BFSP1: variants seen among roughly 807,000 people sequenced by gnomAD.
The protein encoded by BFSP1 is filensin.
In BFSP1, 38 loss-of-function variants were observed where a neutral mutation model predicts 43.9. The observed-to-expected ratio is 0.87, with a 90% confidence interval of 0.67 to 1.14. The LOEUF (loss-of-function observed/expected upper bound fraction) is 1.14. BFSP1 is among the 50% of genes most tolerant of loss of function. The probability of loss-of-function intolerance (pLI) is 0.00; values close to 1 mark genes in which losing one functional copy is unlikely to be tolerated. For synonymous variants in BFSP1, 352 were observed against 354.8 expected (o/e 0.99, Z 0.09); for missense variants, 850 against 875.1 (o/e 0.97, Z 0.36).
intron 1 of BFSP1, among the ~76,000 whole-genome samples, chr20:17,550,654 G>A (rs1234045746): frequency 6.6e-6 from 1 of 152,026 alleles, no homozygotes; most frequent in Non-Finnish European, 1.5e-5. Flanking sequence ...TGTATTTTTA[G>A]TAGAGATGGG....
At chr20:17,508,613 G>A (rs1177767128) in intron 5 of BFSP1, among the ~76,000 whole-genome samples, 2 of 152,144 alleles carry the variant, frequency 1.3e-5, no homozygotes, top group Non-Finnish European at 1.5e-5. Context: ...GGGAGGGCAT[G>A]ACTCGAAGGA....
At chr20:17,545,486 C>T (rs762507661) in intron 1 of BFSP1, among the ~76,000 whole-genome samples, 14 of 152,226 alleles carry the variant, frequency 9.2e-5, no homozygotes, top group Admixed American at 2.6e-4. Context: ...GGGCCGGGCA[C>T]GGTGGCTTAT....
chr20:17,529,090 T>TGTGTGTGTGTGA lies in BFSP1; in HGVS notation c.377+1862_377+1863insTCACACACACAC, dbSNP rs577672397. Among the ~76,000 whole-genome samples, 1,038 of 151,598 alleles carry TGTGTGTGTGTGA rather than the reference T, an allele frequency of 6.8e-3. 14 individuals are homozygous for TGTGTGTGTGTGA. Among genetic ancestry groups the TGTGTGTGTGTGA allele is most frequent in the African/African-American group, 0.024 (992 of 41,054 alleles). On this transcript the variant is annotated intron_variant, in intron 1 of 7. Coordinates refer to ENST00000377873, the MANE Select transcript of BFSP1 (RefSeq NM_001195.5). ...GTGTGTGTGTGTGTGTGTGTGTGTG[T>TGTGTGTGTGTGA]GAGACAGAGTCTCACTCTGTCACCC...
At chr20:17,562,249 C>T (rs112053879), upstream of BFSP1, among the ~76,000 whole-genome samples, 1,240 of 144,912 alleles carry the variant, frequency 8.6e-3, 16 homozygotes, top group African/African-American at 0.03. Context: ...AATCCCAGGC[C>T]GGGAGCGATG....
chr20:17,493,996 T>A lies in BFSP1; in HGVS notation c.*78A>T, dbSNP rs1208901655. 7 of 1,333,344 alleles carry A rather than the reference T, an allele frequency of 5.2e-6. No individual in the cohort carries two copies. Among genetic ancestry groups the A allele is most frequent in the Non-Finnish European group, 6.2e-6 (6 of 965,904 alleles). 82.6% of individuals were successfully genotyped at this position (1,333,344 alleles called of 1,614,324 possible). A position where few individuals can be genotyped will look rare whatever the true frequency, so the allele number is the denominator to read the frequency against. On this transcript the variant is annotated 3_prime_UTR_variant, in exon 8 of 8. Coordinates refer to ENST00000377873, the MANE Select transcript of BFSP1 (RefSeq NM_001195.5). ...ATCCAAACAGGAACCCTCACCCTTT[T>A]ATCATTTGCTCTAAAATATCAAAGC...
upstream of BFSP1, chr20:17,560,455 C>CT (rs1308133254): frequency 6.6e-6 from 1 of 152,216 alleles, no homozygotes; most frequent in Non-Finnish European, 1.5e-5. Flanking sequence ...CCCAAGGGAA[C>CT]TTGGGCCAAG....
At chr20:17,554,220 C>G (rs2034954540) in intron 1 of BFSP1, among the ~76,000 whole-genome samples, 1 of 152,082 alleles carries the variant, frequency 6.6e-6, no homozygotes, top group Non-Finnish European at 1.5e-5. Context: ...CAGGCCAATA[C>G]TATCAAAGCT....
At chr20:17,516,165 T>C (rs748999924) in intron 2 of BFSP1, among the ~76,000 whole-genome samples, 10 of 151,982 alleles carry the variant, frequency 6.6e-5, no homozygotes, top group Non-Finnish European at 1.3e-4. Context: ...CCATCTCTAC[T>C]AAAAGTACAA....
intron 1 of BFSP1, among the ~76,000 whole-genome samples, chr20:17,549,255 T>C (rs1418124123): frequency 1.3e-5 from 2 of 152,218 alleles, no homozygotes; most frequent in Non-Finnish European, 2.9e-5. Flanking sequence ...CTGGTTGTAT[T>C]AGTCTGTACT....
At chr20:17,503,541 G>A (rs2123468341) in intron 5 of BFSP1, among the ~76,000 whole-genome samples, 1 of 152,228 alleles carries the variant, frequency 6.6e-6, no homozygotes, top group Middle Eastern at 3.4e-3. Context: ...ACCTTATCAG[G>A]GAAGGGCTGT....
chr20:17,506,189 C>A (rs1187944679), intron 5 of BFSP1, among the ~76,000 whole-genome samples: 1 of 152,200 alleles, frequency 6.6e-6, no homozygotes, highest in African/African-American at 2.4e-5. Flanking sequence ...GGCAAAGAAA[C>A]AGGGTCCTCA....
At chr20:17,534,804 A>T (rs2034600653), upstream of BFSP1, among the ~76,000 whole-genome samples, 1 of 152,134 alleles carries the variant, frequency 6.6e-6, no homozygotes, top group South Asian at 2.1e-4. Flanking sequence ...GGATCATCTG[A>T]GGTCAGGAGT....
At chr20:17,503,753 T>A (rs2033862351) in intron 5 of BFSP1, among the ~76,000 whole-genome samples, 2 of 151,978 alleles carry the variant, frequency 1.3e-5, no homozygotes, top group South Asian at 4.2e-4. Context: ...ACACACACAC[T>A]CTGTCTCCAG....
chr20:17,558,761 C>G, exon 1 of BFSP1: 1 of 1,547,678 alleles, frequency 6.5e-7, no homozygotes, highest in East Asian at 2.4e-5. Flanking sequence ...GGTGTGCTGC[C>G]TGCTGCCTGA....
At chr20:17,560,531 C>T (rs1425943429), upstream of BFSP1, 1 of 152,196 alleles carries the variant, frequency 6.6e-6, no homozygotes, top group East Asian at 1.9e-4. Context: ...TGGTAGCTAA[C>T]ATGGCCGCAG....
At chr20:17,518,339 T>C (rs747551965) in intron 2 of BFSP1, among the ~76,000 whole-genome samples, 1 of 152,234 alleles carries the variant, frequency 6.6e-6, no homozygotes, top group Non-Finnish European at 1.5e-5. Context: ...CATTGACCTT[T>C]AACGAGCTCT....
intron 5 of BFSP1, among the ~76,000 whole-genome samples, chr20:17,500,902 AAAAC>A (rs1187549947): frequency 1.3e-5 from 2 of 152,208 alleles, no homozygotes; most frequent in Non-Finnish European, 2.9e-5. Flanking sequence ...AAAACAAAAC[AAAAC>A]AAACAAAACC....
intron 3 of BFSP1, among the ~76,000 whole-genome samples, chr20:17,513,540 A>T (rs1004321759): frequency 6.6e-6 from 1 of 152,190 alleles, no homozygotes; most frequent in African/African-American, 2.4e-5. Context: ...GCTGGGCCTC[A>T]TGGAAAGTTG....
upstream of BFSP1, among the ~76,000 whole-genome samples, chr20:17,531,995 C>T (rs890209340): frequency 6.6e-6 from 1 of 152,142 alleles, no homozygotes; most frequent in South Asian, 2.1e-4. Context: ...CAAGTAATTT[C>T]TTAGTAATAC....
Sources: allele counts gnomAD v4.1 joint callset (sites outside exome capture counted in the v4.1 genomes callset), GRCh38; gene constraint gnomAD v4.1.1; transcripts MANE v1.5; gene names NCBI Gene and HGNC (gene_info 2026-07-23, HGNC 2026-07-21).